ARHGAP20: variants seen among roughly 807,000 people sequenced by gnomAD.
The protein encoded by ARHGAP20 is Rho GTPase activating protein 20.
ARHGAP20 carries 34 observed loss-of-function variants against 73.7 expected under a neutral mutation model. That is an observed-to-expected ratio of 0.46 (90% confidence interval 0.35 to 0.61). The LOEUF (loss-of-function observed/expected upper bound fraction) is 0.61, where lower values mean the gene tolerates loss of function less well. ARHGAP20 is among the 20% of genes least tolerant of loss of function. The pLI is 0.00. For missense variants in ARHGAP20, 1,314 were observed against 1,420.9 expected (o/e 0.92, Z 1.21); for synonymous variants, 523 against 518.2 (o/e 1.01, Z -0.13).
At chr11:110,616,243 A>C (rs1948479417) in intron 4 of ARHGAP20, among the ~76,000 whole-genome samples, 1 of 152,178 alleles carries the variant, frequency 6.6e-6, no homozygotes, top group Admixed American at 6.5e-5. Context: ...TCTAAGATCA[A>C]TCCATTTGCA....
At chr11:110,585,488 A>C (rs1302097397) in intron 12 of ARHGAP20, among the ~76,000 whole-genome samples, 1 of 152,182 alleles carries the variant, frequency 6.6e-6, no homozygotes, top group Non-Finnish European at 1.5e-5. Context: ...AAAGTTGCTT[A>C]AGAAAAAACA....
chr11:110,683,026 A>C (rs1161249074), intron 2 of ARHGAP20, among the ~76,000 whole-genome samples: 1 of 152,152 alleles, frequency 6.6e-6, no homozygotes, highest in East Asian at 1.9e-4. Context: ...AAGTCTTGCA[A>C]ACAGCCCAAA....
In ARHGAP20 at chr11:110,577,118, G is replaced by GA; in HGVS notation, c.*2251dup. The GA allele has an allele frequency of 6.5e-7, 1 of 1,534,138 alleles. No individual in the cohort carries two copies. Among genetic ancestry groups the GA allele is most frequent in the South Asian group, 1.2e-5 (1 of 83,724 alleles). ...CATACATATCCATTATCAGTGCCTT[G>GA]AAAACCAAACAACTTTAAAAGTTAG... is the stretch of plus-strand genomic sequence containing the variant. On this transcript the variant is annotated 3_prime_UTR_variant, in exon 15 of 15. Transcript: ENST00000683387.
At chr11:110,689,630 G>A (rs1950203668) in intron 2 of ARHGAP20, among the ~76,000 whole-genome samples, 1 of 152,062 alleles carries the variant, frequency 6.6e-6, no homozygotes, top group Non-Finnish European at 1.5e-5. Flanking sequence ...GTGTGAGCAG[G>A]GCAGGAAAAG....
At chr11:110,711,021 G>T (rs1458404771) in intron 1 of ARHGAP20, among the ~76,000 whole-genome samples, 2 of 111,120 alleles carry the variant, frequency 1.8e-5, no homozygotes, top group Non-Finnish European at 3.7e-5. Context: ...AAAAAAAAAA[G>T]GCAAAATATC....
rs1344890822 is a variant in ARHGAP20, at chr11:110,595,509, G to A, written c.965-3354C>T. Among the ~76,000 whole-genome samples, 236 of 151,968 alleles carry A rather than the reference G, an allele frequency of 1.6e-3. 1 individual carries two copies. Among genetic ancestry groups the A allele is most frequent in the Admixed American group, 4.4e-3 (67 of 15,256 alleles). ...TCTTATACACCAATAACAGACAAAC[G>A]GAGAGCCAAATCATGAGTGAACTCC... On this transcript the variant is annotated intron_variant, in intron 9 of 14. Coordinates refer to ENST00000683387, the MANE Select transcript of ARHGAP20 (RefSeq NM_001384657.1).
At chr11:110,599,982 G>A (rs1372965952) in intron 9 of ARHGAP20, among the ~76,000 whole-genome samples, 3 of 152,190 alleles carry the variant, frequency 2.0e-5, no homozygotes, top group Admixed American at 6.5e-5. Flanking sequence ...GCTAGGAGCT[G>A]AACACTTGAT....
At position 110,696,272 on chromosome 11, in the gene ARHGAP20, C is replaced by G. The variant is rs112928182; in HGVS notation, c.106-5643G>C. Among the ~76,000 whole-genome samples the G allele has an allele frequency of 4.3e-3, 658 of 151,610 alleles. 5 individuals are homozygous for G. Among genetic ancestry groups the G allele is most frequent in the Non-Finnish European group, 7.0e-3 (472 of 67,570 alleles). Reference sequence around the variant, plus strand: ...ATGAATGTACAATTCTATGACTACACTAAAAGCCGCTGAACATAACTTTAG... The same window carrying G: ...ATGAATGTACAATTCTATGACTACAGTAAAAGCCGCTGAACATAACTTTAG... On this transcript the variant is annotated intron_variant, in intron 1 of 14. Coordinates refer to ENST00000683387, the MANE Select transcript of ARHGAP20 (RefSeq NM_001384657.1).
Position 110,644,226 on chromosome 11 carries a change from T to TCCA in ARHGAP20, c.189-13435_189-13434insTGG, listed in dbSNP as rs1167758930. On this transcript the variant is annotated intron_variant, in intron 2 of 14. Coordinates refer to ENST00000683387, the MANE Select transcript of ARHGAP20 (RefSeq NM_001384657.1). ...GTTAATATCATTAAAATGGCCATGC[T>TCCA]GCCCAAAGCAATCTGCAGATTCAAT... Among the ~76,000 whole-genome samples, 5 of 152,298 alleles carry TCCA rather than the reference T, an allele frequency of 3.3e-5. No individual in the cohort carries two copies. The South Asian group carries it at 1.0e-3, about 32-fold the overall frequency.
chr11:110,637,104 T>C (rs1440514008), intron 2 of ARHGAP20, among the ~76,000 whole-genome samples: 2 of 152,040 alleles, frequency 1.3e-5, no homozygotes, highest in African/African-American at 4.8e-5. Flanking sequence ...ACGTAAAAAC[T>C]AGAAAACAGC....
Position 110,577,972 on chromosome 11 carries a change from G to A in ARHGAP20, c.*1398C>T, listed in dbSNP as rs1396114651. 1 of 985,364 alleles carries A rather than the reference G, an allele frequency of 1.0e-6. No individual in the cohort carries two copies. The highest frequency in any genetic ancestry group is 1.1e-4 in the East Asian group (1 of 8,822). 61.0% of individuals were successfully genotyped at this position (985,364 alleles called of 1,614,324 possible). ...TTGTGAGAGAAAGGTCCATCTGATG[G>A]TGAACTAAAGAGTTTAAATAAATGG... On this transcript the variant is annotated 3_prime_UTR_variant, in exon 15 of 15. Transcript: ENST00000683387.
chr11:110,692,856 A>G (rs1950269451), intron 1 of ARHGAP20, among the ~76,000 whole-genome samples: 1 of 152,002 alleles, frequency 6.6e-6, no homozygotes, highest in African/African-American at 2.4e-5. Flanking sequence ...ATGAAAATCC[A>G]GGTTGACCTT....
intron 2 of ARHGAP20, among the ~76,000 whole-genome samples, chr11:110,643,243 T>C (rs1949113448): frequency 6.6e-6 from 1 of 152,108 alleles, no homozygotes; most frequent in Non-Finnish European, 1.5e-5. Flanking sequence ...TACTGGTCTT[T>C]TGTATAGATT....
chr11:110,608,016 T>C (rs1948274534), intron 8 of ARHGAP20, among the ~76,000 whole-genome samples: 1 of 152,224 alleles, frequency 6.6e-6, no homozygotes, highest in Non-Finnish European at 1.5e-5. Context: ...ATTTTGTCTT[T>C]AGCTCTGTGC....
intron 9 of ARHGAP20, among the ~76,000 whole-genome samples, chr11:110,605,950 T>C (rs890570227): frequency 2.6e-5 from 4 of 152,250 alleles, no homozygotes; most frequent in African/African-American, 7.2e-5. Context: ...ACAATCTTCC[T>C]TTCAGACAGA....
In ARHGAP20 at chr11:110,608,998, G is replaced by C; in HGVS notation, c.761C>G (p.Pro254Arg). ...CAAAAACTTACCAATGAGTGGGTAT[G>C]GAGCCTCTTCTTTGCCAGAATTGAC... The part of the protein sequence containing the change: ...LWVNSGKEEA[P>R]YPLIGHEYPY... The change falls in exon 8 of 15, where the codon CCA becomes CGA. Residue 254 changes from proline (P) to arginine (R), a missense_variant. Pro to Arg is a moderately radical substitution (Grantham distance 103, BLOSUM62 -2). Transcript: ENST00000683387. 2 of 1,613,610 alleles carry C rather than the reference G, an allele frequency of 1.2e-6. No homozygotes were observed. The highest frequency in any genetic ancestry group is 2.2e-5 in the South Asian group (2 of 91,032).
chr11:110,582,924 C>CTGAT (rs1947512247), intron 13 of ARHGAP20, among the ~76,000 whole-genome samples: 1 of 152,174 alleles, frequency 6.6e-6, no homozygotes, highest in African/African-American at 2.4e-5. Context: ...CTGCCACCTT[C>CTGAT]TGATAGGCTC....
chr11:110,669,626 A>G (rs1409683853), intron 2 of ARHGAP20, among the ~76,000 whole-genome samples: 2 of 152,208 alleles, frequency 1.3e-5, no homozygotes, highest in African/African-American at 4.8e-5. Context: ...AAGAATGCAC[A>G]CATAGAATAC....
At chr11:110,678,500 C>T (rs867819238) in intron 2 of ARHGAP20, among the ~76,000 whole-genome samples, 40 of 152,230 alleles carry the variant, frequency 2.6e-4, no homozygotes, top group African/African-American at 9.1e-4. Flanking sequence ...TTCCATCTTT[C>T]CACCTCTAGC....
Sources: allele counts gnomAD v4.1 joint callset (sites outside exome capture counted in the v4.1 genomes callset), GRCh38; gene constraint gnomAD v4.1.1; transcripts MANE v1.5; gene names NCBI Gene and HGNC (gene_info 2026-07-23, HGNC 2026-07-21).